Variants in PAM observed in about 807,000 individuals in gnomAD.
PAM encodes peptidylglycine alpha-amidating monooxygenase, also known as peptidyl-glycine alpha-amidating monooxygenase.
A neutral mutation model predicts 122.1 loss-of-function variants in PAM; 72 were observed. The ratio of observed to expected loss-of-function variants is 0.59; its 90% CI spans 0.49 to 0.72. The LOEUF is 0.72. Among genes scored for constraint, PAM ranks in the 30% least tolerant of loss-of-function variants. PAM has a pLI of 0.00. For missense variants in PAM, 1,106 were observed against 1,183.7 expected (o/e 0.93, Z 0.96); for synonymous variants, 389 against 404.4 (o/e 0.96, Z 0.46).
At chr5:102,763,564 G>A (rs1268293361) in intron 1 of PAM, among the ~76,000 whole-genome samples, 1 of 152,184 alleles carries the variant, frequency 6.6e-6, no homozygotes, top group Non-Finnish European at 1.5e-5. Flanking sequence ...GAATAGAACA[G>A]TAGAATTTTG....
chr5:102,941,261 G>A (rs1455976238), intron 7 of PAM, among the ~76,000 whole-genome samples: 1 of 152,188 alleles, frequency 6.6e-6, no homozygotes, highest in African/African-American at 2.4e-5. Context: ...TGTGAAAGTC[G>A]TCGTCTTGCA....
chr5:103,014,563 T>C (rs1562250628), intron 21 of PAM, among the ~76,000 whole-genome samples: 1 of 152,232 alleles, frequency 6.6e-6, no homozygotes, highest in Middle Eastern at 3.2e-3. Flanking sequence ...TAATATGGTC[T>C]GTTGACTCCT....
chr5:102,836,656 T>C (rs765068354), intron 1 of PAM, among the ~76,000 whole-genome samples: 1 of 152,126 alleles, frequency 6.6e-6, no homozygotes, highest in Non-Finnish European at 1.5e-5. Flanking sequence ...GGTGAACTAC[T>C]GTTTACATCC....
chr5:102,867,481 C>A, intron 3 of PAM, 88 bp downstream of exon 3: 1 of 905,136 alleles, frequency 1.1e-6, no homozygotes. Flanking sequence ...GCTGTAGGAA[C>A]TTCTTTAAAC....
At chr5:102,845,963 C>T (rs1361959974) in intron 1 of PAM, among the ~76,000 whole-genome samples, 1 of 152,110 alleles carries the variant, frequency 6.6e-6, no homozygotes, top group Middle Eastern at 3.2e-3. Flanking sequence ...GCTCATGGGT[C>T]AACAGGCCCT....
intron 5 of PAM, among the ~76,000 whole-genome samples, chr5:102,918,141 A>G (rs191872129): frequency 2.4e-4 from 37 of 152,296 alleles, no homozygotes; most frequent in African/African-American, 8.4e-4. Flanking sequence ...CAGCTGATGG[A>G]AAAGAAGCAG....
At chr5:102,951,283 A>C (rs1758797651) in intron 12 of PAM, among the ~76,000 whole-genome samples, 1 of 152,094 alleles carries the variant, frequency 6.6e-6, no homozygotes, top group Non-Finnish European at 1.5e-5. Context: ...AATAATATGC[A>C]ACACTTTATC....
chr5:102,884,236 G>T (rs1792254275), intron 3 of PAM, among the ~76,000 whole-genome samples: 1 of 151,634 alleles, frequency 6.6e-6, no homozygotes, highest in African/African-American at 2.4e-5. Flanking sequence ...TTATTTTATA[G>T]TTGTTAAAAA....
intron 21 of PAM, among the ~76,000 whole-genome samples, chr5:103,016,652 T>C (rs147817696): frequency 5.1e-4 from 77 of 152,140 alleles, no homozygotes; most frequent in African/African-American, 1.8e-3. Context: ...GAAAGATATA[T>C]TAAAATACAG....
chr5:102,890,141 T>C (rs974467608), intron 3 of PAM, among the ~76,000 whole-genome samples: 2 of 151,934 alleles, frequency 1.3e-5, no homozygotes, highest in African/African-American at 2.4e-5. Flanking sequence ...ATTTAACATG[T>C]TTCTCTGTTC....
At chr5:102,943,896 A>AT (rs1756113355) in intron 7 of PAM, among the ~76,000 whole-genome samples, 1 of 152,158 alleles carries the variant, frequency 6.6e-6, no homozygotes, top group African/African-American at 2.4e-5. Flanking sequence ...CTTCCTTAAA[A>AT]TTAGATTCTG....
At chr5:102,906,232 A>G (rs889065725) in intron 4 of PAM, among the ~76,000 whole-genome samples, 1 of 151,676 alleles carries the variant, frequency 6.6e-6, no homozygotes, top group African/African-American at 2.4e-5. Context: ...TGACATGTTG[A>G]TATAGCTATT....
At chr5:102,792,153 G>A (rs550291231) in intron 1 of PAM, among the ~76,000 whole-genome samples, 47 of 151,970 alleles carry the variant, frequency 3.1e-4, no homozygotes, top group Non-Finnish European at 2.1e-4. Flanking sequence ...TTTAAACATG[G>A]TATGTATGGA....
intron 14 of PAM, among the ~76,000 whole-genome samples, chr5:102,969,935 G>A (rs774752945): frequency 4.6e-5 from 7 of 152,076 alleles, no homozygotes; most frequent in Non-Finnish European, 1.0e-4. Flanking sequence ...AAACACCAGC[G>A]TTTTTTACAT....
intron 15 of PAM, among the ~76,000 whole-genome samples, chr5:102,977,249 T>C (rs1767976876): frequency 6.6e-6 from 1 of 152,178 alleles, no homozygotes; most frequent in African/African-American, 2.4e-5. Context: ...AGGATTCCAC[T>C]TGTTTTCCAC....
At chr5:102,976,015 A>C (rs138300311) in intron 15 of PAM, among the ~76,000 whole-genome samples, 65 of 152,234 alleles carry the variant, frequency 4.3e-4, no homozygotes, top group African/African-American at 1.5e-3. Flanking sequence ...TACTTGGCAA[A>C]TATCCTCATA....
intron 16 of PAM, among the ~76,000 whole-genome samples, chr5:102,994,675 T>G (rs1775126296): frequency 6.6e-6 from 1 of 152,200 alleles, no homozygotes; most frequent in Admixed American, 6.6e-5. Flanking sequence ...ATTGTGCTGA[T>G]ATTTTTACTG....
intron 21 of PAM, among the ~76,000 whole-genome samples, chr5:103,011,941 G>T (rs571927123): frequency 1.8e-4 from 27 of 152,230 alleles, no homozygotes; most frequent in Non-Finnish European, 3.7e-4. Context: ...CTGACTTTTG[G>T]ATGAAAGTCA....
chr5:102,806,754 A>G (rs1290582399), intron 1 of PAM, among the ~76,000 whole-genome samples: 1 of 152,140 alleles, frequency 6.6e-6, no homozygotes, highest in African/African-American at 2.4e-5. Context: ...GAATTACTGT[A>G]TGTTTTTGTG....
Sources: gnomAD v4.1 joint callset for allele counts (sites outside exome capture counted in the v4.1 genomes callset) on GRCh38, gnomAD v4.1.1 for gene constraint, MANE v1.5 for transcripts, NCBI Gene and HGNC (gene_info 2026-07-23, HGNC 2026-07-21) for gene names.